The following TM6SF2 variants were observed in gnomAD, a reference collection of about 807,000 sequenced individuals.
TM6SF2 encodes the protein transmembrane 6 superfamily member 2.
In TM6SF2, 29 loss-of-function variants were observed where a neutral mutation model predicts 41.0. That is an observed-to-expected ratio of 0.71 (90% CI 0.53 to 0.96). The LOEUF is 0.96. Ranked by LOEUF, TM6SF2 falls within the 50% of genes least tolerant of loss-of-function variation. The pLI, the probability that TM6SF2 is intolerant of heterozygous loss-of-function variation, is 0.00. For missense variants in TM6SF2, 475 were observed against 499.0 expected (o/e 0.95, Z 0.46); for synonymous variants, 200 against 209.1 (o/e 0.96, Z 0.37).
At chr19:19,269,855 TC>T in intron 4 of TM6SF2, 86 bp from the exon 5 acceptor site, 1 of 1,601,308 alleles carries the variant, frequency 6.2e-7, no homozygotes, top group Non-Finnish European at 8.5e-7. Flanking sequence ...ACCGTGGGTT[TC>T]CCAGCTCCGG....
chr19:19,265,009 T>G (rs1183235035), intron 9 of TM6SF2, 136 bp from the exon 10 acceptor site: 2 of 483,672 alleles, frequency 4.1e-6, no homozygotes, highest in Non-Finnish European at 7.1e-6. Flanking sequence ...TGCTCATCTA[T>G]CTGTTTCCCA....
In TM6SF2 at chr19:19,264,975, T is replaced by C. The variant is rs1213721508; in HGVS notation, c.925-102A>G. ...GGTAGGTCAGGCAGAACCCAGGGGA[T>C]GCCCATCCCCACCTCTCGGGCTTTG... On this transcript the variant is annotated intron_variant, in intron 9 of 9. Coordinates refer to ENST00000389363, the MANE Select transcript of TM6SF2 (RefSeq NM_001001524.3). The C allele has an allele frequency of 5.7e-6, 4 of 699,200 alleles. No individual in the cohort carries two copies. The East Asian group carries it at 1.3e-4, about 23-fold the overall frequency. The allele number at this position is 699,200 out of a possible 1,614,324, so 43.3% of individuals were successfully genotyped here.
At position 19,264,839 on chromosome 19, in the gene TM6SF2, A is replaced by G; in HGVS notation, c.959T>C (p.Leu320Pro). 6.3e-7 allele frequency: 1 copy of G among 1,590,468 alleles called. No homozygotes were observed. The highest frequency in any genetic ancestry group is 8.6e-7 in the Non-Finnish European group (1 of 1,169,344). ...CACACGGTAGGTGAAGGGTGTGCGC[A>G]GGTGCATGGAAGCCCCCATGTGCGA... ...QFSHMGASMH[L>P]RTPFTYRVPE... Residue 320 changes from leucine to proline, a missense_variant, in exon 10 of 10, where the codon CTG becomes CCG. This residue lies in a region of TM6SF2 where 190 missense variants were observed against 190.2 expected (regional missense o/e 1.00). Transcript: ENST00000389363.
At chr19:19,268,854 G>A in intron 5 of TM6SF2, 100 bp from the exon 6 acceptor site, 2 of 1,407,718 alleles carry the variant, frequency 1.4e-6, no homozygotes, top group Non-Finnish European at 1.9e-6. Flanking sequence ...TGTCACCCAG[G>A]CTGGAGTGCA....
chr19:19,273,060 C>CAAG, intron 1 of TM6SF2, 61 bp downstream of exon 1: 5 of 472,840 alleles, frequency 1.1e-5, no homozygotes, highest in Non-Finnish European at 1.9e-5. Context: ...ACCTCCAGTC[C>CAAG]TCCCCGCCCC....
chr19:19,266,177 C>G (rs2061002429), intron 9 of TM6SF2, among the ~76,000 whole-genome samples: 1 of 152,124 alleles, frequency 6.6e-6, no homozygotes, highest in African/African-American at 2.4e-5. Context: ...TTGTGCTGTT[C>G]CCATTCCTGG....
At chr19:19,271,528 T>TTC (rs200817931) in intron 1 of TM6SF2, among the ~76,000 whole-genome samples, 12 of 151,210 alleles carry the variant, frequency 7.9e-5, no homozygotes, top group Admixed American at 2.0e-4. Context: ...TTTTCTTTCT[T>TTC]TCTCTCTCTC....
rs578098988 is a variant in TM6SF2 at position 19,264,760 on chromosome 19, G to C, written c.1038C>G (p.Gly346=). The part of the protein sequence containing the change: ...FFVCNLLYAL[G]PHLLAYRCLQ... The stretch of plus-strand genomic sequence containing the variant: ...GGCAACGGTAGGCCAGCAGGTGGGG[G>C]CCCAGCGCATACAGCAGATTGCACA... Residue 346 remains glycine, a synonymous_variant, in exon 10 of 10, where the codon GGC becomes GGG. Transcript: ENST00000389363. The C allele has an allele frequency of 6.2e-7, 1 of 1,608,836 alleles. No homozygotes were observed. Among genetic ancestry groups the C allele is most frequent in the African/African-American group, 1.3e-5 (1 of 74,748 alleles).
intron 9 of TM6SF2, among the ~76,000 whole-genome samples, chr19:19,265,539 C>T (rs2061000796): frequency 6.6e-6 from 1 of 152,200 alleles, no homozygotes; most frequent in Non-Finnish European, 1.5e-5. Flanking sequence ...CAATCTCAGC[C>T]TCCCGAGTAG....
rs577084188 is a variant in TM6SF2, at chr19:19,267,380, A to G, written c.804+241T>C. Among the ~76,000 whole-genome samples, 159 of 99,952 alleles carry G rather than the reference A, an allele frequency of 1.6e-3. 1 individual carries two copies. The highest frequency in any genetic ancestry group is 3.8e-3 in the African/African-American group (101 of 26,318). The allele number at this position is 99,952 out of a possible 152,430, so 65.6% of individuals were successfully genotyped here. ...CAAAACTCTGTTTAAAAAAAAAAAA[A>G]AAAAAGAAAAAGAAAGAAAGAAAAG... On this transcript the variant is annotated intron_variant, in intron 8 of 9. Transcript: ENST00000389363.
At chr19:19,273,061 T>TTGCCCCCC in intron 1 of TM6SF2, 60 bp downstream of exon 1, 6 of 305,468 alleles carry the variant, frequency 2.0e-5, no homozygotes, top group Non-Finnish European at 3.6e-5. Context: ...CCTCCAGTCC[T>TTGCCCCCC]CCCCGCCCCC....
chr19:19,267,954 G>C, intron 7 of TM6SF2, 32 bp downstream of exon 7: 1 of 1,434,092 alleles, frequency 7.0e-7, no homozygotes, highest in Non-Finnish European at 9.7e-7. Flanking sequence ...ACTGGTGGCA[G>C]GGGAGGGGGA....
At chr19:19,270,501 G>A in intron 2 of TM6SF2, 59 bp from the exon 3 acceptor site, 1 of 1,548,514 alleles carries the variant, frequency 6.5e-7, no homozygotes, top group Non-Finnish European at 8.7e-7. Flanking sequence ...GGTGGGGCTA[G>A]GGCTTAGTGT....
At chr19:19,267,194 C>A (rs1192085224) in intron 8 of TM6SF2, among the ~76,000 whole-genome samples, 1 of 151,834 alleles carries the variant, frequency 6.6e-6, no homozygotes, top group African/African-American at 2.4e-5. Context: ...CATGGCAAAA[C>A]CCCGTATCTA....
chr19:19,272,422 T>C (rs978687520), intron 1 of TM6SF2, among the ~76,000 whole-genome samples: 3 of 152,138 alleles, frequency 2.0e-5, no homozygotes, highest in Non-Finnish European at 4.4e-5. Context: ...TCACCCAGGA[T>C]CCCAGGAGAT....
intron 1 of TM6SF2, among the ~76,000 whole-genome samples, chr19:19,271,526 CTT>C (rs903077025): frequency 2.0e-5 from 3 of 150,676 alleles, no homozygotes; most frequent in Non-Finnish European, 4.4e-5. Flanking sequence ...CTTTTTCTTT[CTT>C]TCTCTCTCTC....
intron 8 of TM6SF2, 172 bp from the exon 9 acceptor site, chr19:19,266,781 A>G (rs1442813066): frequency 1.0e-5 from 7 of 701,042 alleles, no homozygotes; most frequent in South Asian, 1.9e-5. Flanking sequence ...CTTGCCCCCA[A>G]CCCCCGAACA....
At chr19:19,266,742 A>G in intron 8 of TM6SF2, 133 bp from the exon 9 acceptor site, 17 of 1,070,604 alleles carry the variant, frequency 1.6e-5, no homozygotes, top group Non-Finnish European at 2.2e-5. Context: ...GGCTCTCTGC[A>G]AAGTGCTCCT....
rs905828481 is a variant in TM6SF2, at chr19:19,270,934, T to C, written c.199+88A>G. Reference sequence around the variant, plus strand: ...AGCTCTTAAAGGGCCCCCAGTCTGATGGAGGAGGCCCCTTAATGGCCCCCA... The same window carrying C: ...AGCTCTTAAAGGGCCCCCAGTCTGACGGAGGAGGCCCCTTAATGGCCCCCA... On this transcript the variant is annotated intron_variant, in intron 2 of 9. Coordinates refer to ENST00000389363, the MANE Select transcript of TM6SF2 (RefSeq NM_001001524.3). 10 of 1,082,204 alleles carry C rather than the reference T, an allele frequency of 9.2e-6. 1 individual carries two copies. In the South Asian group the frequency reaches 1.1e-4, roughly 12 times the overall value. 67.0% of individuals were successfully genotyped at this position (1,082,204 alleles called of 1,614,324 possible).
Sources: gnomAD v4.1 joint callset for allele counts (sites outside exome capture counted in the v4.1 genomes callset) on GRCh38, gnomAD v4.1.1 for gene constraint, gnomAD v4.1.1 regional missense constraint, MANE v1.5 for transcripts, NCBI Gene and HGNC (gene_info 2026-07-23, HGNC 2026-07-21) for gene names.